Variants in UBTD2 observed in about 807,000 individuals in gnomAD.
UBTD2 encodes ubiquitin domain containing 2, also known as ubiquitin domain-containing protein 2.
A neutral mutation model predicts 19.8 loss-of-function variants in UBTD2; 9 were observed. The observed-to-expected ratio is 0.46, with a 90% confidence interval of 0.27 to 0.79. The LOEUF (loss-of-function observed/expected upper bound fraction) is 0.79. UBTD2 is among the 30% of genes least tolerant of loss of function. The pLI is 0.14. For missense variants in UBTD2, 250 were observed against 300.4 expected (o/e 0.83, Z 1.24); for synonymous variants, 98 against 103.9 (o/e 0.94, Z 0.35).
intron 1 of UBTD2, among the ~76,000 whole-genome samples, chr5:172,265,070 A>G (rs536098491): frequency 6.6e-6 from 1 of 152,366 alleles, no homozygotes; most frequent in African/African-American, 2.4e-5. Flanking sequence ...CTATACATGC[A>G]ATTAATACTC....
intron 1 of UBTD2, among the ~76,000 whole-genome samples, chr5:172,270,095 CAA>C (rs1203757434): frequency 6.7e-6 from 1 of 150,060 alleles, no homozygotes; most frequent in Non-Finnish European, 1.5e-5. Flanking sequence ...AACAAAAAAA[CAA>C]GAGTCAGAGT....
At chr5:172,269,234 A>C (rs1755434850) in intron 1 of UBTD2, among the ~76,000 whole-genome samples, 1 of 152,178 alleles carries the variant, frequency 6.6e-6, no homozygotes, top group South Asian at 2.1e-4. Context: ...TCATGCCTGT[A>C]ATCCTAGCAC....
At chr5:172,221,211 T>C (rs1771643015) in intron 2 of UBTD2, among the ~76,000 whole-genome samples, 1 of 151,828 alleles carries the variant, frequency 6.6e-6, no homozygotes. Context: ...CCAATCAAAA[T>C]CCCAGAAGGA....
At chr5:172,245,110 A>T (rs1190888574) in intron 1 of UBTD2, among the ~76,000 whole-genome samples, 1 of 152,240 alleles carries the variant, frequency 6.6e-6, no homozygotes, top group African/African-American at 2.4e-5. Flanking sequence ...GCTATTCTAG[A>T]TAAACCAAGA....
intron 2 of UBTD2, among the ~76,000 whole-genome samples, chr5:172,216,024 C>T (rs961940953): frequency 1.3e-5 from 2 of 151,940 alleles, no homozygotes; most frequent in Non-Finnish European, 2.9e-5. Flanking sequence ...ATTAGCCGAG[C>T]GTGGTGGCAG....
At chr5:172,250,020 C>T (rs959312324) in intron 1 of UBTD2, among the ~76,000 whole-genome samples, 20 of 152,080 alleles carry the variant, frequency 1.3e-4, no homozygotes, top group Admixed American at 7.9e-4. Flanking sequence ...GTCAGGAGTT[C>T]GAGACCAGCC....
At chr5:172,246,675 C>G (rs1253323584) in intron 1 of UBTD2, among the ~76,000 whole-genome samples, 1 of 150,350 alleles carries the variant, frequency 6.7e-6, no homozygotes, top group African/African-American at 2.4e-5. Context: ...AACTCCTGCC[C>G]TTAAGTGATC....
Position 172,212,100 on chromosome 5 carries a change from T to C in UBTD2, c.435A>G (p.Pro145=). 2.5e-6 allele frequency: 4 copies of C among 1,614,204 alleles called. No individual in the cohort carries two copies. Among genetic ancestry groups the C allele is most frequent in the Non-Finnish European group, 3.4e-6 (4 of 1,180,038 alleles). Residue 145 remains proline (P), a synonymous_variant, in exon 3 of 3, where the codon CCA becomes CCG. Transcript: ENST00000393792. The part of the protein sequence containing the change: ...DIETLDIPEP[P]PNSGYECQLR... ...GCTGACATTCATATCCAGAATTGGG[T>C]GGTGGCTCAGGAATATCCAGAGTCT...
chr5:172,269,026 CTA>C (rs1755430009), intron 1 of UBTD2, among the ~76,000 whole-genome samples: 1 of 151,868 alleles, frequency 6.6e-6, no homozygotes, highest in South Asian at 2.1e-4. Context: ...GTCATGATGT[CTA>C]TATTCACTTT....
At chr5:172,280,057 G>T (rs1172607132) in intron 1 of UBTD2, among the ~76,000 whole-genome samples, 1 of 151,874 alleles carries the variant, frequency 6.6e-6, no homozygotes, top group African/African-American at 2.4e-5. Context: ...AGCTGAGATC[G>T]TGCCATTGCA....
At chr5:172,226,092 C>T (rs757515900) in intron 2 of UBTD2, among the ~76,000 whole-genome samples, 4 of 152,092 alleles carry the variant, frequency 2.6e-5, no homozygotes, top group Non-Finnish European at 4.4e-5. Context: ...GCGCCTGCCA[C>T]CAACCCTGGC....
At chr5:172,273,766 AAG>A (rs1227889023) in intron 1 of UBTD2, among the ~76,000 whole-genome samples, 2 of 152,084 alleles carry the variant, frequency 1.3e-5, no homozygotes, top group East Asian at 3.9e-4. Context: ...ACTTTTCCCA[AAG>A]AGGATTCAGC....
chr5:172,266,606 G>C (rs1468171892), intron 1 of UBTD2, among the ~76,000 whole-genome samples: 3 of 152,222 alleles, frequency 2.0e-5, no homozygotes, highest in African/African-American at 7.2e-5. Context: ...ATGCCCAAGA[G>C]AGGAATGAGA....
Sources: allele counts gnomAD v4.1 joint callset (sites outside exome capture counted in the v4.1 genomes callset), GRCh38; gene constraint gnomAD v4.1.1; transcripts MANE v1.5; gene names NCBI Gene and HGNC (gene_info 2026-07-23, HGNC 2026-07-21).